The following TMEM87B variants were observed in gnomAD, a reference collection of about 807,000 sequenced individuals.
TMEM87B encodes transmembrane protein 87B.
TMEM87B carries 83 observed loss-of-function variants against 80.3 expected under a neutral mutation model. That is an observed-to-expected ratio of 1.03 (90% CI 0.87 to 1.24). TMEM87B has a LOEUF of 1.24. Among genes scored for constraint, TMEM87B ranks in the 50% most tolerant of loss-of-function variants. The pLI is 0.00. For missense variants in TMEM87B, 625 were observed against 674.4 expected, an observed-to-expected ratio of 0.93 and a Z score of 0.81; for synonymous variants, 219 against 230.5, an observed-to-expected ratio of 0.95 and a Z score of 0.45.
At chr2:112,095,465 C>A in intron 11 of TMEM87B, 1 of 976,728 alleles carries the variant, frequency 1.0e-6, no homozygotes, top group Non-Finnish European at 1.2e-6. Flanking sequence ...CTTTTTATTC[C>A]TTAGCTTAAA....
intron 4 of TMEM87B, among the ~76,000 whole-genome samples, chr2:112,071,941 T>C (rs189479000): frequency 6.6e-6 from 1 of 152,206 alleles, no homozygotes; most frequent in African/African-American, 2.4e-5. Flanking sequence ...GCTCTTATTA[T>C]TTTGAGATCT....
intron 14 of TMEM87B, among the ~76,000 whole-genome samples, chr2:112,098,971 G>A (rs1181743545): frequency 6.6e-6 from 1 of 152,152 alleles, no homozygotes; most frequent in Admixed American, 6.5e-5. Context: ...TGACTGAACT[G>A]GGAAAGAGTG....
chr2:112,078,119 T>C (rs559150369), intron 6 of TMEM87B, among the ~76,000 whole-genome samples: 16 of 152,190 alleles, frequency 1.1e-4, no homozygotes, highest in Non-Finnish European at 2.1e-4. Context: ...GGCTTCCTTC[T>C]GGAGATGGCA....
chr2:112,056,210 G>T (rs1039030461), intron 1 of TMEM87B, among the ~76,000 whole-genome samples: 1 of 151,852 alleles, frequency 6.6e-6, no homozygotes, highest in Non-Finnish European at 1.5e-5. Flanking sequence ...CTTAGAAAGC[G>T]GGTCTGCCGC....
chr2:112,073,696 T>G (rs1281742791), intron 4 of TMEM87B, among the ~76,000 whole-genome samples: 1 of 152,212 alleles, frequency 6.6e-6, no homozygotes, highest in Non-Finnish European at 1.5e-5. Flanking sequence ...AGTCGGGTGT[T>G]GAAGTCTCTC....
intron 14 of TMEM87B, among the ~76,000 whole-genome samples, chr2:112,099,349 T>A (rs987289630): frequency 2.0e-5 from 3 of 152,130 alleles, no homozygotes; most frequent in Admixed American, 2.0e-4. Context: ...CATTGGAACA[T>A]TTTGAATTTC....
At chr2:112,078,476 C>T (rs1038631021) in intron 6 of TMEM87B, among the ~76,000 whole-genome samples, 2 of 152,198 alleles carry the variant, frequency 1.3e-5, no homozygotes, top group Non-Finnish European at 2.9e-5. Flanking sequence ...CTAGTTCCCT[C>T]CAGGCCTTTT....
intron 8 of TMEM87B, among the ~76,000 whole-genome samples, chr2:112,085,366 C>T (rs1379625075): frequency 6.6e-6 from 1 of 152,204 alleles, no homozygotes; most frequent in Non-Finnish European, 1.5e-5. Context: ...CCCCCAAATA[C>T]TTAACTCCTA....
At chr2:112,115,966 A>G in intron 18 of TMEM87B, 118 bp from the exon 19 acceptor site, 1 of 694,394 alleles carries the variant, frequency 1.4e-6, no homozygotes, top group Non-Finnish European at 2.4e-6. Flanking sequence ...ATTTCCATGT[A>G]TATTATGGAA....
At chr2:112,056,575 G>T (rs1453016398) in intron 1 of TMEM87B, among the ~76,000 whole-genome samples, 1 of 152,198 alleles carries the variant, frequency 6.6e-6, no homozygotes, top group Non-Finnish European at 1.5e-5. Flanking sequence ...GGCTTCTCTG[G>T]GGTCAGATGA....
At chr2:112,113,641 A>G (rs1433287562) in intron 18 of TMEM87B, among the ~76,000 whole-genome samples, 13 of 151,816 alleles carry the variant, frequency 8.6e-5, no homozygotes, top group Admixed American at 8.5e-4. Context: ...AAGATGTAGC[A>G]TTACAGAAAG....
intron 18 of TMEM87B, among the ~76,000 whole-genome samples, chr2:112,113,593 G>A (rs944907978): frequency 6.6e-6 from 1 of 152,218 alleles, no homozygotes; most frequent in Non-Finnish European, 1.5e-5. Flanking sequence ...AGGCCTTGCT[G>A]CAAAACAGTT....
At chr2:112,063,317 A>G (rs1051414480) in intron 2 of TMEM87B, among the ~76,000 whole-genome samples, 4 of 152,216 alleles carry the variant, frequency 2.6e-5, no homozygotes, top group African/African-American at 9.6e-5. Flanking sequence ...GACGTTCCCA[A>G]CAGAGCTCTC....
chr2:112,081,966 C>G (rs1207313187), intron 8 of TMEM87B, among the ~76,000 whole-genome samples: 1 of 152,172 alleles, frequency 6.6e-6, no homozygotes, highest in Non-Finnish European at 1.5e-5. Context: ...CTGCAGCCTC[C>G]TTGTGCTCTC....
intron 16 of TMEM87B, among the ~76,000 whole-genome samples, chr2:112,107,235 G>A (rs1679793066): frequency 6.6e-6 from 1 of 151,890 alleles, no homozygotes; most frequent in African/African-American, 2.4e-5. Context: ...GCATGTGCCT[G>A]TCATCCCAGC....
intron 10 of TMEM87B, among the ~76,000 whole-genome samples, chr2:112,090,694 G>A (rs957164026): frequency 2.6e-5 from 4 of 152,140 alleles, no homozygotes; most frequent in Non-Finnish European, 5.9e-5. Context: ...GCCTCCCTAA[G>A]TATTGGGATT....
At chr2:112,066,788 G>A in intron 3 of TMEM87B, 148 bp from the exon 4 acceptor site, 2 of 718,324 alleles carry the variant, frequency 2.8e-6, no homozygotes, top group Non-Finnish European at 4.3e-6. Context: ...ATTCGAAACA[G>A]TTTTTATTTG....
intron 10 of TMEM87B, 114 bp from the exon 11 acceptor site, chr2:112,091,598 G>T (rs1573712961): frequency 1.4e-6 from 1 of 725,764 alleles, no homozygotes; most frequent in Non-Finnish European, 2.3e-6. Flanking sequence ...AATCTTTTAT[G>T]TGGCTTTGTA....
At chr2:112,111,281 A>C (rs1679910835) in intron 17 of TMEM87B, among the ~76,000 whole-genome samples, 2 of 152,164 alleles carry the variant, frequency 1.3e-5, no homozygotes, top group Non-Finnish European at 2.9e-5. Context: ...CTCATAACTA[A>C]GCATTTTAGA....
Sources: allele counts gnomAD v4.1 joint callset (sites outside exome capture counted in the v4.1 genomes callset), GRCh38; gene constraint gnomAD v4.1.1; transcripts MANE v1.5; gene names NCBI Gene and HGNC (gene_info 2026-07-23, HGNC 2026-07-21).